ADGRE3: variants seen among roughly 807,000 people sequenced by gnomAD.
ADGRE3 encodes the protein EGF-like module receptor 3.
A neutral mutation model predicts 80.1 loss-of-function variants in ADGRE3; 88 were observed. That is an observed-to-expected ratio of 1.10 (90% CI 0.93 to 1.31). The LOEUF (loss-of-function observed/expected upper bound fraction) is 1.31. Ranked by LOEUF, ADGRE3 falls within the 40% of genes most tolerant of loss-of-function variation. The pLI, the probability that ADGRE3 is intolerant of heterozygous loss-of-function variation, is 0.00. For missense variants in ADGRE3, 715 were observed against 776.5 expected, an observed-to-expected ratio of 0.92 and a Z score of 0.94; for synonymous variants, 281 against 294.8, an observed-to-expected ratio of 0.95 and a Z score of 0.48.
chr19:14,641,374 T>C (rs1465958291), intron 10 of ADGRE3, 45 bp downstream of exon 10: 3 of 1,609,178 alleles, frequency 1.9e-6, no homozygotes, highest in East Asian at 2.2e-5. Flanking sequence ...ATGAGCTCAG[T>C]GTACCTTGGG....
chr19:14,635,771 T>C (rs1971020312), intron 11 of ADGRE3, among the ~76,000 whole-genome samples: 1 of 152,106 alleles, frequency 6.6e-6, no homozygotes, highest in Admixed American at 6.6e-5. Context: ...ATATATGTTA[T>C]ATATATGTTT....
chr19:14,627,781 T>G (rs1343575024), intron 14 of ADGRE3, among the ~76,000 whole-genome samples: 2 of 151,698 alleles, frequency 1.3e-5, no homozygotes, highest in South Asian at 4.1e-4. Flanking sequence ...TGCAGACAAA[T>G]AAAGTGTTTT....
chr19:14,607,549 T>A, the ADGRE3 span, among the ~76,000 whole-genome samples: 6,753 of 127,164 alleles, frequency 0.053, 521 homozygotes, highest in African/African-American at 0.2. Context: ...TATTTTATTT[T>A]ATTATTTATT....
Position 14,641,439 on chromosome 19 carries a change from T to A in ADGRE3, c.1228A>T (p.Ile410Phe). The A allele has an allele frequency of 1.9e-6, 3 of 1,613,968 alleles. No homozygotes were observed. The highest frequency in any genetic ancestry group is 1.1e-5 in the South Asian group (1 of 91,060). Reference sequence around the variant, plus strand: ...AGTACCTTGGGTTCAGTTCGATCAATCCCCACGAGGAAGAGGAGGTGGGCC... The same window carrying A: ...AGTACCTTGGGTTCAGTTCGATCAAACCCCACGAGGAAGAGGAGGTGGGCC... ...FLAHLLFLVG[I>F]DRTEPKVLCS... The change falls in exon 10 of 16, where the codon ATT becomes TTT. Residue 410 changes from isoleucine to phenylalanine, a missense_variant. Transcript: ENST00000253673.
intron 2 of ADGRE3, among the ~76,000 whole-genome samples, chr19:14,665,936 G>GTATATATATGCATACATATATGTA (rs71166783): frequency 4.8e-5 from 2 of 42,104 alleles, no homozygotes; most frequent in East Asian, 8.2e-4. Flanking sequence ...ACACATATGT[G>GTATATATATGCATACATATATGTA]TATATATATA....
At chr19:14,613,525 T>C in the ADGRE3 span, among the ~76,000 whole-genome samples, 2 of 152,002 alleles carry the variant, frequency 1.3e-5, no homozygotes, top group South Asian at 2.1e-4. Context: ...TATTGATCAA[T>C]AAGCTCCCTT....
the ADGRE3 span, chr19:14,610,037 C>T: frequency 6.4e-7 from 1 of 1,569,076 alleles, no homozygotes; most frequent in Non-Finnish European, 8.8e-7. Context: ...GATCCCTGTC[C>T]CTCTGCCCAC....
Position 14,645,819 on chromosome 19 carries a change from ATAGT to A in ADGRE3, c.882+1358_882+1361del, listed in dbSNP as rs537563484. 9.2e-5 allele frequency among the ~76,000 whole-genome samples: 14 copies of A among 152,198 alleles called. No homozygotes were observed. The South Asian group carries it at 2.1e-3, about 23-fold the overall frequency. On this transcript the variant is annotated intron_variant, in intron 8 of 15. Transcript: ENST00000253673. ...AGTCCCCCTCTCTACCAAAAATAAA[ATAGT>A]TAGTTGGGCGTGGTGGCACACACCT... is the stretch of plus-strand genomic sequence containing the variant.
intron 8 of ADGRE3, among the ~76,000 whole-genome samples, chr19:14,645,112 C>T (rs1255614454): frequency 2.0e-5 from 3 of 152,020 alleles, no homozygotes; most frequent in Non-Finnish European, 2.9e-5. Context: ...CAAAGGCTCC[C>T]TGGGAACCAC....
chr19:14,669,557 T>C (rs1226771163), intron 1 of ADGRE3, among the ~76,000 whole-genome samples: 1 of 152,100 alleles, frequency 6.6e-6, no homozygotes, highest in African/African-American at 2.4e-5. Flanking sequence ...GGCGCGATCT[T>C]GGCTCACCAC....
intron 14 of ADGRE3, among the ~76,000 whole-genome samples, chr19:14,626,428 C>T: frequency 6.6e-6 from 1 of 151,924 alleles, no homozygotes; most frequent in East Asian, 1.9e-4. Flanking sequence ...CAGAGCAACA[C>T]TTCATCTCAA....
At chr19:14,613,915 A>G in the ADGRE3 span, among the ~76,000 whole-genome samples, 1 of 151,930 alleles carries the variant, frequency 6.6e-6, no homozygotes, top group Non-Finnish European at 1.5e-5. Context: ...CGAACTCCTG[A>G]CCTCAAGTGA....
chr19:14,661,870 G>C, intron 4 of ADGRE3, 93 bp downstream of exon 4: 7 of 1,392,174 alleles, frequency 5.0e-6, no homozygotes, highest in Non-Finnish European at 7.0e-6. Flanking sequence ...GGGCTACAGA[G>C]CGAGACTCTG....
intron 11 of ADGRE3, among the ~76,000 whole-genome samples, chr19:14,636,080 C>T (rs1340814053): frequency 2.3e-5 from 1 of 42,622 alleles, no homozygotes; most frequent in Admixed American, 3.0e-4. Context: ...CCTTTCCTTT[C>T]CCTTTCTTTC....
At chr19:14,607,064 G>T in the ADGRE3 span, 1 of 1,347,272 alleles carries the variant, frequency 7.4e-7, no homozygotes, top group Admixed American at 3.0e-5. Flanking sequence ...CCCAGGAAGG[G>T]GACTGGAGGT....
chr19:14,657,542 C>G (rs1331012170), intron 5 of ADGRE3, among the ~76,000 whole-genome samples: 1 of 133,616 alleles, frequency 7.5e-6, no homozygotes, highest in African/African-American at 3.1e-5. Flanking sequence ...GTGTGTCTAT[C>G]TATACCTATA....
chr19:14,647,437 A>T (rs1206236741), intron 7 of ADGRE3, 72 bp from the exon 8 acceptor site: 9 of 1,161,584 alleles, frequency 7.7e-6, no homozygotes, highest in Non-Finnish European at 9.2e-6. Context: ...TTTGAGACGG[A>T]GTCTCGCTCT....
chr19:14,658,397 A>T (rs185361883), intron 5 of ADGRE3, 116 bp downstream of exon 5: 2 of 413,156 alleles, frequency 4.8e-6, no homozygotes, highest in Non-Finnish European at 8.4e-6. Context: ...TTATATATGT[A>T]TATATAATAT....
chr19:14,659,822 GA>G (rs66908687), intron 4 of ADGRE3, among the ~76,000 whole-genome samples: 154 of 44,782 alleles, frequency 3.4e-3, no homozygotes, highest in African/African-American at 6.3e-3. Flanking sequence ...CTCTGCCTCT[GA>G]AAAAAAAAAA....
Sources: allele counts gnomAD v4.1 joint callset (sites outside exome capture counted in the v4.1 genomes callset), GRCh38; gene constraint gnomAD v4.1.1; transcripts MANE v1.5; gene names NCBI Gene and HGNC (gene_info 2026-07-23, HGNC 2026-07-21).